The following NKAIN2 variants were observed in gnomAD, a reference collection of about 807,000 sequenced individuals.
The protein encoded by NKAIN2 is sodium/potassium transporting ATPase interacting 2, also known as sodium/potassium-transporting ATPase subunit beta-1-interacting protein 2.
Under a neutral mutation model 32.6 loss-of-function variants are expected in NKAIN2, and 14 were observed. That is an observed-to-expected ratio of 0.43 (90% CI 0.28 to 0.67). The LOEUF (loss-of-function observed/expected upper bound fraction) is 0.67, where lower values mean the gene tolerates loss of function less well. NKAIN2 is among the 30% of genes least tolerant of loss of function. NKAIN2 has a pLI of 0.17. For synonymous variants in NKAIN2, 80 were observed against 87.2 expected (o/e 0.92, Z 0.46); for missense variants, 198 against 258.3 (o/e 0.77, Z 1.60).
intron 1 of NKAIN2, among the ~76,000 whole-genome samples, chr6:124,246,554 T>C (rs910229240): frequency 2.0e-5 from 3 of 152,078 alleles, no homozygotes; most frequent in Non-Finnish European, 4.4e-5. Context: ...TTATGACCTA[T>C]TTTGGGAGGA....
intron 1 of NKAIN2, among the ~76,000 whole-genome samples, chr6:123,829,487 G>A (rs1774286839): frequency 6.6e-6 from 1 of 152,174 alleles, no homozygotes; most frequent in Non-Finnish European, 1.5e-5. Context: ...TTTCTAGTCA[G>A]CAAGCAGCTT....
chr6:124,098,802 G>A (rs562131424), intron 1 of NKAIN2, among the ~76,000 whole-genome samples: 13 of 152,048 alleles, frequency 8.5e-5, no homozygotes, highest in Admixed American at 3.3e-4. Context: ...TCCAGGAAGT[G>A]GAGGTTGCAG....
chr6:124,412,858 C>T (rs910828450), intron 3 of NKAIN2, among the ~76,000 whole-genome samples: 4 of 152,192 alleles, frequency 2.6e-5, no homozygotes, highest in African/African-American at 9.6e-5. Flanking sequence ...TTTACCTACT[C>T]AAGCCTGGGC....
At chr6:124,475,307 T>G (rs1469699795) in intron 3 of NKAIN2, among the ~76,000 whole-genome samples, 1 of 152,162 alleles carries the variant, frequency 6.6e-6, no homozygotes, top group Non-Finnish European at 1.5e-5. Flanking sequence ...ATCTCTAGTT[T>G]CTGCTAAAAT....
intron 1 of NKAIN2, among the ~76,000 whole-genome samples, chr6:124,159,854 T>G (rs1214182937): frequency 8.5e-5 from 13 of 152,066 alleles, no homozygotes; most frequent in Admixed American, 7.9e-4. Flanking sequence ...AACCTGACCA[T>G]GAAATACAGA....
intron 1 of NKAIN2, among the ~76,000 whole-genome samples, chr6:123,938,385 A>T (rs1776620288): frequency 7.7e-6 from 1 of 129,740 alleles, no homozygotes; most frequent in African/African-American, 2.8e-5. Context: ...ACCAGAACTC[A>T]TTTGCAAGGG....
intron 3 of NKAIN2, among the ~76,000 whole-genome samples, chr6:124,366,831 G>C (rs1162889386): frequency 1.3e-5 from 2 of 151,816 alleles, no homozygotes; most frequent in Non-Finnish European, 2.9e-5. Context: ...AGGAGGCTGA[G>C]GTGGGAGGAT....
intron 1 of NKAIN2, among the ~76,000 whole-genome samples, chr6:124,280,732 T>C (rs1007917900): frequency 2.6e-5 from 4 of 152,178 alleles, no homozygotes; most frequent in African/African-American, 9.7e-5. Flanking sequence ...AAGGAATTCA[T>C]AGGAAAGACT....
At chr6:124,276,816 C>A (rs1795058106) in intron 1 of NKAIN2, among the ~76,000 whole-genome samples, 1 of 152,164 alleles carries the variant, frequency 6.6e-6, no homozygotes, top group Non-Finnish European at 1.5e-5. Context: ...TCCTTTCTGA[C>A]TCTGGAGCAG....
chr6:124,528,602 A>G (rs748550200), intron 3 of NKAIN2, among the ~76,000 whole-genome samples: 1 of 152,192 alleles, frequency 6.6e-6, no homozygotes, highest in South Asian at 2.1e-4. Context: ...TGGTGTAGCA[A>G]TTTTCTTCAG....
At chr6:124,538,965 T>A (rs1179155618) in intron 3 of NKAIN2, among the ~76,000 whole-genome samples, 1 of 152,144 alleles carries the variant, frequency 6.6e-6, no homozygotes, top group East Asian at 1.9e-4. Context: ...TGGAAAGTAT[T>A]CCTTCATCTA....
At position 124,072,190 on chromosome 6, in the gene NKAIN2, C is replaced by G. The variant is rs144332663; in HGVS notation, c.55-210815C>G. ...GTCCTTTGCAGCCACATGGATGTAG[C>G]TGGAAGCCATTATCCAAAACAAATT... On this transcript the variant is annotated intron_variant, in intron 1 of 6. Transcript: ENST00000368417. 1.1e-3 allele frequency among the ~76,000 whole-genome samples: 160 copies of G among 152,230 alleles called. 1 individual carries two copies. The highest frequency in any genetic ancestry group is 6.8e-3 in the Middle Eastern group (2 of 294).
At chr6:124,558,288 T>C (rs1369219082) in intron 3 of NKAIN2, among the ~76,000 whole-genome samples, 2 of 152,188 alleles carry the variant, frequency 1.3e-5, no homozygotes, top group African/African-American at 4.8e-5. Context: ...GGGCATCAAA[T>C]ACATAATTAA....
intron 4 of NKAIN2, among the ~76,000 whole-genome samples, chr6:124,748,182 T>C (rs183601094): frequency 1.9e-4 from 29 of 152,126 alleles, no homozygotes; most frequent in African/African-American, 7.0e-4. Flanking sequence ...GCACTTTGTC[T>C]TAGCACCATA....
intron 1 of NKAIN2, among the ~76,000 whole-genome samples, chr6:124,227,854 G>C (rs913504579): frequency 3.3e-5 from 5 of 152,126 alleles, no homozygotes; most frequent in African/African-American, 4.8e-5. Context: ...AAAAAGATCT[G>C]TCTTAGTTTG....
At chr6:124,609,274 A>T (rs34473391) in intron 3 of NKAIN2, among the ~76,000 whole-genome samples, 1 of 152,172 alleles carries the variant, frequency 6.6e-6, no homozygotes, top group African/African-American at 2.4e-5. Flanking sequence ...CCTTATTTGA[A>T]AAGTAAAATT....
At chr6:124,101,193 A>C (rs921431782) in intron 1 of NKAIN2, among the ~76,000 whole-genome samples, 1 of 152,180 alleles carries the variant, frequency 6.6e-6, no homozygotes, top group African/African-American at 2.4e-5. Flanking sequence ...AGGCCCTCTA[A>C]GATGGACATT....
At chr6:124,523,969 G>A (rs929806039) in intron 3 of NKAIN2, among the ~76,000 whole-genome samples, 1 of 152,184 alleles carries the variant, frequency 6.6e-6, no homozygotes, top group Admixed American at 6.5e-5. Flanking sequence ...ATAAGTGAGT[G>A]AATAGAACTC....
At chr6:124,657,080 C>T (rs1784565663) in intron 3 of NKAIN2, among the ~76,000 whole-genome samples, 1 of 152,194 alleles carries the variant, frequency 6.6e-6, no homozygotes, top group Non-Finnish European at 1.5e-5. Flanking sequence ...TTGCAATCTC[C>T]AAATTCCCTG....
Sources: allele counts gnomAD v4.1 joint callset (sites outside exome capture counted in the v4.1 genomes callset), GRCh38; gene constraint gnomAD v4.1.1; transcripts MANE v1.5; gene names NCBI Gene and HGNC (gene_info 2026-07-23, HGNC 2026-07-21).